Variants in MPZL3 observed in about 807,000 individuals in gnomAD.
MPZL3 encodes the protein myelin protein zero like 3, also known as myelin protein zero-like protein 3.
Under a neutral mutation model 24.8 loss-of-function variants are expected in MPZL3, and 23 were observed. The ratio of observed to expected loss-of-function variants is 0.93; its 90% confidence interval spans 0.67 to 1.31. The LOEUF (loss-of-function observed/expected upper bound fraction) is 1.31. Among genes scored for constraint, MPZL3 ranks in the 40% most tolerant of loss-of-function variants. MPZL3 has a pLI of 0.00. For synonymous variants in MPZL3, 99 were observed against 106.5 expected, an observed-to-expected ratio of 0.93 and a Z score of 0.44; for missense variants, 277 against 294.9, an observed-to-expected ratio of 0.94 and a Z score of 0.44.
At chr11:118,242,331 T>C (rs1289080805) in intron 1 of MPZL3, among the ~76,000 whole-genome samples, 2 of 152,258 alleles carry the variant, frequency 1.3e-5, no homozygotes, top group Non-Finnish European at 2.9e-5. Flanking sequence ...TTTTTCATTT[T>C]GATCATGTTG....
chr11:118,236,939 T>C (rs977260964), intron 3 of MPZL3, 111 bp downstream of exon 3: 2 of 863,678 alleles, frequency 2.3e-6, no homozygotes, highest in East Asian at 2.5e-5. Context: ...AATGATTTAA[T>C]GACCCAACTG....
rs1949629446 is a variant in MPZL3 at position 118,252,227 on chromosome 11, A to C, written c.68T>G (p.Phe23Cys). ...ALFPLLGVLF[F>C]QGVYIVFSLE... ...TAGCCAGCCGGAGCACTCACCCTGG[A>C]AGAACAGGACGCCCAGCAGAGGGAA... The change falls in exon 1 of 6, where the codon TTC becomes TGC. Residue 23 changes from phenylalanine to cysteine, a missense_variant. Coordinates refer to ENST00000278949, the MANE Select transcript of MPZL3 (RefSeq NM_198275.3). The C allele has an allele frequency of 1.2e-6, 2 of 1,613,604 alleles. No individual in the cohort carries two copies. The highest frequency in any genetic ancestry group is 1.3e-5 in the African/African-American group (1 of 74,874).
At chr11:118,234,209 T>C (rs909645142) in intron 4 of MPZL3, among the ~76,000 whole-genome samples, 5 of 152,150 alleles carry the variant, frequency 3.3e-5, no homozygotes, top group Non-Finnish European at 5.9e-5. Context: ...TAAATAAAAC[T>C]TGAGCCTGTG....
chr11:118,239,118 G>A (rs566980100), intron 2 of MPZL3, among the ~76,000 whole-genome samples: 76 of 152,334 alleles, frequency 5.0e-4, no homozygotes, highest in Non-Finnish European at 9.3e-4. Context: ...AGCAGCACTA[G>A]GAGAGAGCTG....
At chr11:118,243,758 C>T (rs12286303) in intron 1 of MPZL3, among the ~76,000 whole-genome samples, 31,913 of 149,762 alleles carry the variant, frequency 0.21, 3,480 homozygotes, top group Middle Eastern at 0.27. Flanking sequence ...GGTGACTGAA[C>T]GAGACTCTGT....
At chr11:118,233,588 G>T in intron 4 of MPZL3, 65 bp from the exon 5 acceptor site, 1 of 1,535,528 alleles carries the variant, frequency 6.5e-7, no homozygotes. Flanking sequence ...GCAGTTGAAA[G>T]TACAGGTGTT....
intron 2 of MPZL3, among the ~76,000 whole-genome samples, 194 bp from the exon 3 acceptor site, chr11:118,237,454 T>C (rs1949441423): frequency 6.6e-6 from 1 of 152,156 alleles, no homozygotes; most frequent in Admixed American, 6.5e-5. Context: ...GAGAGACTTC[T>C]GGGATCCTAA....
At chr11:118,252,151 G>A (rs1949627870) in intron 1 of MPZL3, 71 bp downstream of exon 1, 3 of 1,542,092 alleles carry the variant, frequency 1.9e-6, no homozygotes, top group African/African-American at 2.7e-5. Context: ...CCCCCTACCC[G>A]GAACCGGAAA....
In MPZL3 at chr11:118,252,337, C is replaced by T. The variant is rs886077166; in HGVS notation, c.-43G>A. 3.8e-6 allele frequency: 6 copies of T among 1,594,554 alleles called. No homozygotes were observed. In the South Asian group the frequency reaches 6.6e-5, roughly 18 times the overall value. On this transcript the variant is annotated 5_prime_UTR_variant, in exon 1 of 6. Coordinates refer to ENST00000278949, the MANE Select transcript of MPZL3 (RefSeq NM_198275.3). The stretch of plus-strand genomic sequence containing the variant: ...TGCTTGCACACCTTGTTTACAGCTC[C>T]CGGTAACGACACAGGTAACACCGGA...
chr11:118,250,724 G>A lies in MPZL3; in HGVS notation c.73+1498C>T, dbSNP rs543841878. Among the ~76,000 whole-genome samples, 5 of 152,184 alleles carry A rather than the reference G, an allele frequency of 3.3e-5. No individual in the cohort carries two copies. The South Asian group carries it at 1.0e-3, about 32-fold the overall frequency. On this transcript the variant is annotated intron_variant, in intron 1 of 5. Transcript: ENST00000278949. The stretch of plus-strand genomic sequence containing the variant: ...GCCTCCCGAGTAGCTGGGATTACAG[G>A]CGCCCGCCACCACGCCTGGCTAATT...
chr11:118,247,173 A>G (rs888519018), intron 1 of MPZL3, among the ~76,000 whole-genome samples: 1 of 152,194 alleles, frequency 6.6e-6, no homozygotes, highest in Admixed American at 6.5e-5. Flanking sequence ...TGGAAACCAG[A>G]GGAAGAGAGC....
chr11:118,248,055 A>AACCAACAG (rs1949574853), intron 1 of MPZL3, among the ~76,000 whole-genome samples: 2 of 149,084 alleles, frequency 1.3e-5, no homozygotes, highest in Middle Eastern at 7.3e-3. Flanking sequence ...AACTAGACCA[A>AACCAACAG]ACCAACAGTT....
chr11:118,238,497 A>T (rs2134703409), intron 2 of MPZL3, among the ~76,000 whole-genome samples: 1 of 152,344 alleles, frequency 6.6e-6, no homozygotes, highest in African/African-American at 2.4e-5. Flanking sequence ...CCAGGCAGGT[A>T]TTACAATATA....
chr11:118,235,110 A>G (rs1949405493), intron 4 of MPZL3, among the ~76,000 whole-genome samples: 2 of 152,174 alleles, frequency 1.3e-5, no homozygotes, highest in African/African-American at 4.8e-5. Context: ...TGAAGGAAAA[A>G]TAATTGACCT....
chr11:118,246,585 C>CTTTTTTTTTTTTTTTTTT (rs71301655), intron 1 of MPZL3, among the ~76,000 whole-genome samples: 9 of 123,278 alleles, frequency 7.3e-5, no homozygotes, highest in African/African-American at 2.0e-4. Context: ...TTTTTCTTTT[C>CTTTTTTTTTTTTTTTTTT]TTTTTTTTTT....
intron 4 of MPZL3, among the ~76,000 whole-genome samples, chr11:118,234,445 G>A (rs1160862597): frequency 1.3e-5 from 2 of 152,002 alleles, no homozygotes; most frequent in Admixed American, 1.3e-4. Flanking sequence ...AAGGAAAGAG[G>A]GCATTCCCAG....
At chr11:118,236,516 T>G (rs1308032433) in intron 3 of MPZL3, among the ~76,000 whole-genome samples, 1 of 152,194 alleles carries the variant, frequency 6.6e-6, no homozygotes, top group Non-Finnish European at 1.5e-5. Context: ...GCATGACCAC[T>G]TAATCGTCAT....
In MPZL3 at chr11:118,227,841, C is replaced by T. The variant is rs1483721016; in HGVS notation, c.*2053G>A. ...GGCTTTCAGTGGGTTCCTGTAACACCATCTCTTTCTTGGAGAAATGAGGAC... is the reference window on the plus strand; with the variant it reads ...GGCTTTCAGTGGGTTCCTGTAACACTATCTCTTTCTTGGAGAAATGAGGAC... On this transcript the variant is annotated 3_prime_UTR_variant, in exon 6 of 6. Coordinates refer to ENST00000278949, the MANE Select transcript of MPZL3 (RefSeq NM_198275.3). 1 of 152,136 alleles carries T rather than the reference C, an allele frequency of 6.6e-6. No homozygotes were observed. The highest frequency in any genetic ancestry group is 1.5e-5 in the Non-Finnish European group (1 of 68,022). The allele number at this position is 152,136 out of a possible 1,614,324, so 9.4% of individuals were successfully genotyped here.
chr11:118,232,676 T>C (rs1011622588), intron 5 of MPZL3, among the ~76,000 whole-genome samples: 1 of 152,116 alleles, frequency 6.6e-6, no homozygotes, highest in Non-Finnish European at 1.5e-5. Context: ...TGGTATTAGG[T>C]CCTCTGCACT....
Sources: allele counts gnomAD v4.1 joint callset (sites outside exome capture counted in the v4.1 genomes callset), GRCh38; gene constraint gnomAD v4.1.1; transcripts MANE v1.5; gene names NCBI Gene and HGNC (gene_info 2026-07-23, HGNC 2026-07-21).